Variants in CLDN11 observed in about 807,000 individuals in gnomAD.
CLDN11 encodes the protein claudin-11.
In CLDN11, 1 loss-of-function variant was observed where a neutral mutation model predicts 18.0. The ratio of observed to expected loss-of-function variants is 0.06; its 90% CI spans 0.02 to 0.26. The LOEUF (loss-of-function observed/expected upper bound fraction) is 0.26, where lower values mean the gene tolerates loss of function less well. CLDN11 is among the 10% of genes least tolerant of loss of function. CLDN11 has a pLI of 1.00. For synonymous variants in CLDN11, 116 were observed against 121.5 expected, an observed-to-expected ratio of 0.96 and a Z score of 0.30; for missense variants, 172 against 276.6, an observed-to-expected ratio of 0.62 and a Z score of 2.68.
At chr3:170,420,759 C>T (rs1738705110) in intron 1 of CLDN11, among the ~76,000 whole-genome samples, 2 of 152,200 alleles carry the variant, frequency 1.3e-5, no homozygotes, top group Non-Finnish European at 2.9e-5. Flanking sequence ...CAGATCTAGA[C>T]TCAGCTTTGG....
intron 2 of CLDN11, among the ~76,000 whole-genome samples, chr3:170,430,570 G>A (rs1485901605): frequency 1.3e-5 from 2 of 148,988 alleles, no homozygotes; most frequent in Non-Finnish European, 3.0e-5. Flanking sequence ...ACAGAATCTT[G>A]CTTTGTTGCC....
rs1288311764 is a variant in CLDN11, at chr3:170,433,470, A to G, written c.*714A>G. ...GCTTTTCAAACTGATACAGATGACA[A>G]TGGGAGCCTCATAAAGATGGCTTTT... On this transcript the variant is annotated 3_prime_UTR_variant, in exon 3 of 3. Coordinates refer to ENST00000064724, the MANE Select transcript of CLDN11 (RefSeq NM_005602.6). 5 of 152,228 alleles carry G rather than the reference A, an allele frequency of 3.3e-5. No homozygotes were observed. The highest frequency in any genetic ancestry group is 2.6e-4 in the Admixed American group (4 of 15,278). The allele number at this position is 152,228 out of a possible 1,614,324, so 9.4% of individuals were successfully genotyped here.
chr3:170,429,313 T>C (rs1738942662), intron 2 of CLDN11, among the ~76,000 whole-genome samples: 1 of 152,160 alleles, frequency 6.6e-6, no homozygotes, highest in Non-Finnish European at 1.5e-5. Flanking sequence ...AGGGTTCATT[T>C]GTCTCCTAGG....
In CLDN11 at chr3:170,434,488, A is replaced by T. The variant is rs1739087255; in HGVS notation, c.*1732A>T. On this transcript the variant is annotated 3_prime_UTR_variant, in exon 3 of 3. Transcript: ENST00000064724. ...CGAAACCTATTTTATTGGATCTTTA[A>T]GTAATAATATCTAAATACATTTCGT... Among the ~76,000 whole-genome samples the T allele has an allele frequency of 6.6e-6, 1 of 152,246 alleles. No individual in the cohort carries two copies. The highest frequency in any genetic ancestry group is 1.5e-5 in the Non-Finnish European group (1 of 68,042).
At chr3:170,424,392 A>G (rs1328481486) in intron 2 of CLDN11, among the ~76,000 whole-genome samples, 1 of 152,194 alleles carries the variant, frequency 6.6e-6, no homozygotes, top group African/African-American at 2.4e-5. Flanking sequence ...TGGGCTGGTC[A>G]TGAATTGAGG....
At chr3:170,423,970 G>A (rs377111073) in intron 2 of CLDN11, among the ~76,000 whole-genome samples, 16 of 149,722 alleles carry the variant, frequency 1.1e-4, no homozygotes, top group Admixed American at 7.4e-4. Context: ...CAGAGGTTGC[G>A]GTGAGCTGAG....
chr3:170,421,283 A>G, intron 1 of CLDN11: 3 of 985,768 alleles, frequency 3.0e-6, no homozygotes, highest in Non-Finnish European at 3.6e-6. Context: ...TAGCATGTGG[A>G]CAGCCAGTGC....
At chr3:170,423,463 A>G (rs1738769935) in intron 2 of CLDN11, 136 bp downstream of exon 2, 1 of 839,970 alleles carries the variant, frequency 1.2e-6, no homozygotes, top group Admixed American at 2.4e-5. Context: ...GGACTCCCAC[A>G]ATCTGTATCC....
At chr3:170,421,972 G>A (rs1224151693) in intron 1 of CLDN11, among the ~76,000 whole-genome samples, 2 of 152,146 alleles carry the variant, frequency 1.3e-5, no homozygotes, top group Non-Finnish European at 2.9e-5. Flanking sequence ...TGTTAACTCC[G>A]TGAATACCAA....
Position 170,423,183 on chromosome 3 carries a change from G to T in CLDN11, c.247G>T (p.Ala83Ser). The change falls in exon 2 of 3, where the codon GCC (alanine) becomes TCC (serine). Residue 83 changes from alanine (A) to serine (S), a missense_variant. Physicochemically the swap from Ala to Ser is moderately conservative, Grantham distance 99. This residue lies in a region of CLDN11 where 161 missense variants were observed against 240.3 expected (regional missense o/e 0.67). Coordinates refer to ENST00000064724, the MANE Select transcript of CLDN11 (RefSeq NM_005602.6). ...ILPGYVQACR[A>S]LMIAASVLGL... ...CCCAGGCTACGTGCAGGCCTGCCGC[G>T]CCCTGATGATTGCTGCCTCGGTCCT... The T allele has an allele frequency of 6.2e-7, 1 of 1,614,196 alleles. No homozygotes were observed. Among genetic ancestry groups the T allele is most frequent in the Non-Finnish European group, 8.5e-7 (1 of 1,180,046 alleles).
At chr3:170,423,083 GC>G in intron 1 of CLDN11, 79 bp from the exon 2 acceptor site, 1 of 1,462,566 alleles carries the variant, frequency 6.8e-7, no homozygotes, top group Non-Finnish European at 9.6e-7. Flanking sequence ...GGGAGATGGT[GC>G]TGAATTCCCC....
At position 170,432,470 on chromosome 3, in the gene CLDN11, A is replaced by C; in HGVS notation, c.392-54A>C. 3.7e-6 allele frequency: 6 copies of C among 1,605,016 alleles called. No homozygotes were observed. In the South Asian group the frequency reaches 6.6e-5, roughly 18 times the overall value. ...TATGTGGAGTGAGTGGGCCTGCCCA[A>C]GTGCTTGGTGTGTGATGGTTGCGCC... On this transcript the variant is annotated intron_variant, in intron 2 of 2. Transcript: ENST00000064724.
In CLDN11 at chr3:170,433,096, G is replaced by A. The variant is rs1467280169; in HGVS notation, c.*340G>A. The A allele has an allele frequency of 2.1e-5, 2 of 95,688 alleles. No homozygotes were observed. The highest frequency in any genetic ancestry group is 8.3e-5 in the African/African-American group (2 of 24,184). The allele number at this position is 95,688 out of a possible 1,614,324, so 5.9% of individuals were successfully genotyped here. A position where few individuals can be genotyped will look rare whatever the true frequency, so the allele number is the denominator to read the frequency against. On this transcript the variant is annotated 3_prime_UTR_variant, in exon 3 of 3. Coordinates refer to ENST00000064724, the MANE Select transcript of CLDN11 (RefSeq NM_005602.6). ...TCAAATGTTTTGCAAACATCACTGAGTTAGGTGGGGGTGGGGAAGAGAAAT... is the reference window on the plus strand; with the variant it reads ...TCAAATGTTTTGCAAACATCACTGAATTAGGTGGGGGTGGGGAAGAGAAAT...
chr3:170,430,634 C>G (rs1287956768), intron 2 of CLDN11, among the ~76,000 whole-genome samples: 1 of 151,562 alleles, frequency 6.6e-6, no homozygotes, highest in African/African-American at 2.4e-5. Context: ...CCTCTGCCTT[C>G]TGGGTTCAAG....
In CLDN11 at chr3:170,432,803, G is replaced by A; in HGVS notation, c.*47G>A. ...AGAGGTGCTGTAGATGCTGGGCCCA[G>A]GGCCCTAGGTTTGCTCGTCACAGTG... On this transcript the variant is annotated 3_prime_UTR_variant, in exon 3 of 3. Coordinates refer to ENST00000064724, the MANE Select transcript of CLDN11 (RefSeq NM_005602.6). 6.3e-7 allele frequency: 1 copy of A among 1,577,180 alleles called. No individual in the cohort carries two copies. Among genetic ancestry groups the A allele is most frequent in the Non-Finnish European group, 8.7e-7 (1 of 1,146,662 alleles).
In CLDN11 at chr3:170,433,788, A is replaced by T. The variant is rs1026247280; in HGVS notation, c.*1032A>T. On this transcript the variant is annotated 3_prime_UTR_variant, in exon 3 of 3. Coordinates refer to ENST00000064724, the MANE Select transcript of CLDN11 (RefSeq NM_005602.6). Reference sequence around the variant, plus strand: ...TATGCAATAAATAACAGTGCAAGTGAGTATAACTCTAACTGATGTTCCACA... The same window carrying T: ...TATGCAATAAATAACAGTGCAAGTGTGTATAACTCTAACTGATGTTCCACA... 6.5e-6 allele frequency: 1 copy of T among 152,692 alleles called. No homozygotes were observed. Among genetic ancestry groups the T allele is most frequent in the African/African-American group, 2.4e-5 (1 of 41,472 alleles). 9.5% of individuals were successfully genotyped at this position (152,692 alleles called of 1,614,324 possible). A position where few individuals can be genotyped will look rare whatever the true frequency, so the allele number is the denominator to read the frequency against.
In CLDN11 at chr3:170,419,926, C is replaced by T. The variant is rs1348593603; in HGVS notation, c.226+634C>T. On this transcript the variant is annotated intron_variant, in intron 1 of 2. Coordinates refer to ENST00000064724, the MANE Select transcript of CLDN11 (RefSeq NM_005602.6). The surrounding 1 kb of genome is among the most constrained non-coding windows in gnomAD (Gnocchi z 8.6). ...TGCCCAGGGCCATCTCCGCTGCCCC[C>T]GCTACCCCCGCCCCTGCTGTGGGCG... 6.6e-6 allele frequency among the ~76,000 whole-genome samples: 1 copy of T among 152,360 alleles called. No homozygotes were observed. Among genetic ancestry groups the T allele is most frequent in the South Asian group, 2.1e-4 (1 of 4,826 alleles).
At chr3:170,425,853 C>T (rs1312786444) in intron 2 of CLDN11, among the ~76,000 whole-genome samples, 4 of 152,190 alleles carry the variant, frequency 2.6e-5, no homozygotes, top group Non-Finnish European at 5.9e-5. Context: ...TTGACCGGAA[C>T]GAGCTAGCTC....
At chr3:170,432,172 C>A (rs1216429137) in intron 2 of CLDN11, among the ~76,000 whole-genome samples, 3 of 152,162 alleles carry the variant, frequency 2.0e-5, no homozygotes, top group Non-Finnish European at 2.9e-5. Flanking sequence ...AATTATAATA[C>A]AATTAAGTAA....
Sources: allele counts gnomAD v4.1 joint callset (sites outside exome capture counted in the v4.1 genomes callset), GRCh38; gene constraint gnomAD v4.1.1; regional missense constraint gnomAD v4.1.1; non-coding constraint Gnocchi (gnomAD v3.1); transcripts MANE v1.5; gene names NCBI Gene and HGNC (gene_info 2026-07-23, HGNC 2026-07-21).